ASH1L: variants seen among roughly 807,000 people sequenced by gnomAD.
ASH1L encodes ASH1 like histone lysine methyltransferase.
Under a neutral mutation model 269.0 loss-of-function variants are expected in ASH1L, and 23 were observed. The observed-to-expected ratio is 0.09, with a 90% CI of 0.06 to 0.12. The LOEUF (loss-of-function observed/expected upper bound fraction) is 0.12, where lower values mean the gene tolerates loss of function less well. Among genes scored for constraint, ASH1L ranks in the 10% least tolerant of loss-of-function variants. The pLI, the probability that ASH1L is intolerant of heterozygous loss-of-function variation, is 1.00. For missense variants in ASH1L, 2,912 were observed against 3,567.8 expected, an observed-to-expected ratio of 0.82 and a Z score of 4.68; for synonymous variants, 1,187 against 1,253.5, an observed-to-expected ratio of 0.95 and a Z score of 1.12.
Position 155,521,308 on chromosome 1 carries a change from T to C in ASH1L, c.212A>G (p.Gln71Arg), listed in dbSNP as rs1334445031. The C allele has an allele frequency of 6.2e-7, 1 of 1,614,070 alleles. No individual in the cohort carries two copies. The highest frequency in any genetic ancestry group is 2.2e-5 in the East Asian group (1 of 44,888). ...GKDDGLTDAQ[Q>R]QFSVKETNFS... ...GTTTGTTTCTTTCACTGAAAACTGTTGCTGTGCATCAGTCAAACCATCATC... is the reference window on the plus strand; with the variant it reads ...GTTTGTTTCTTTCACTGAAAACTGTCGCTGTGCATCAGTCAAACCATCATC... The change falls in exon 2 of 28, where the codon CAA (glutamine) becomes CGA (arginine). Residue 71 changes from glutamine to arginine, a missense_variant. Physicochemically the swap from Gln to Arg is conservative, Grantham distance 43 (BLOSUM62 1). This residue lies in a region of ASH1L where 115 missense variants were observed against 101.5 expected (regional missense o/e 1.13). Transcript: ENST00000392403.
At chr1:155,515,505 T>G (rs1483832224) in intron 2 of ASH1L, among the ~76,000 whole-genome samples, 1 of 152,142 alleles carries the variant, frequency 6.6e-6, no homozygotes, top group East Asian at 1.9e-4. Flanking sequence ...AATAAAGATG[T>G]GTTTGAGCCT....
intron 20 of ASH1L, among the ~76,000 whole-genome samples, chr1:155,347,278 A>C (rs897427517): frequency 6.6e-6 from 1 of 152,116 alleles, no homozygotes; most frequent in Non-Finnish European, 1.5e-5. Context: ...CACGTGGCAC[A>C]TGCCTATAAT....
intron 1 of ASH1L, among the ~76,000 whole-genome samples, chr1:155,554,663 C>A (rs1671460815): frequency 6.6e-6 from 1 of 152,072 alleles, no homozygotes; most frequent in Non-Finnish European, 1.5e-5. Flanking sequence ...CCTGCCTTGG[C>A]CTCCCACAGA....
Position 155,336,353 on chromosome 1 carries a change from A to G in ASH1L, c.*1307T>C, listed in dbSNP as rs532188574. The G allele has an allele frequency of 0.096, 421 of 4,390 alleles. 2 individuals are homozygous for G. The highest frequency in any genetic ancestry group is 0.19 in the African/African-American group (197 of 1,062). The allele number at this position is 4,390 out of a possible 1,614,324, so 0.3% of individuals were successfully genotyped here. On this transcript the variant is annotated 3_prime_UTR_variant, in exon 28 of 28. Coordinates refer to ENST00000392403, the MANE Select transcript of ASH1L (RefSeq NM_018489.3). Reference sequence around the variant, plus strand: ...ACAGCAGGTGTGTGTGTGTGTGTGTATATATATACACACACACATATATAT... The same window carrying G: ...ACAGCAGGTGTGTGTGTGTGTGTGTGTATATATACACACACACATATATAT...
chr1:155,485,748 C>T (rs1174621463), intron 2 of ASH1L, among the ~76,000 whole-genome samples: 1 of 152,086 alleles, frequency 6.6e-6, no homozygotes, highest in Non-Finnish European at 1.5e-5. Context: ...CATCGACAAC[C>T]CATTAGCAAT....
chr1:155,501,872 A>C (rs1412262652), intron 2 of ASH1L, among the ~76,000 whole-genome samples: 1 of 152,084 alleles, frequency 6.6e-6, no homozygotes, highest in Non-Finnish European at 1.5e-5. Flanking sequence ...CATGTTGGCC[A>C]GGATGGTCTC....
At chr1:155,402,110 G>A (rs1658909021) in intron 6 of ASH1L, among the ~76,000 whole-genome samples, 1 of 151,912 alleles carries the variant, frequency 6.6e-6, no homozygotes, top group Non-Finnish European at 1.5e-5. Context: ...CATACTAGCT[G>A]GGCATGGTGA....
chr1:155,506,959 T>G (rs1667856182), intron 2 of ASH1L, among the ~76,000 whole-genome samples: 1 of 151,748 alleles, frequency 6.6e-6, no homozygotes, highest in African/African-American at 2.4e-5. Context: ...TTTATCAAAT[T>G]TTGTTTAAAA....
At chr1:155,460,868 G>A (rs35264597) in intron 3 of ASH1L, among the ~76,000 whole-genome samples, 15,584 of 152,072 alleles carry the variant, frequency 0.1, 1,069 homozygotes, top group Non-Finnish European at 0.16. Flanking sequence ...CAAATCTATA[G>A]AGCATATTAC....
chr1:155,425,835 C>T (rs995801305), intron 5 of ASH1L, among the ~76,000 whole-genome samples: 1 of 151,954 alleles, frequency 6.6e-6, no homozygotes, highest in East Asian at 1.9e-4. Flanking sequence ...ACCTCAGCCT[C>T]CCAAAGTACC....
chr1:155,532,705 C>G (rs1490125131), intron 1 of ASH1L, among the ~76,000 whole-genome samples: 1 of 151,662 alleles, frequency 6.6e-6, no homozygotes, highest in Non-Finnish European at 1.5e-5. Context: ...TGCCTGTCAT[C>G]CCAGCTACTC....
At chr1:155,546,945 CTT>C (rs71080709) in intron 1 of ASH1L, among the ~76,000 whole-genome samples, 598 of 87,974 alleles carry the variant, frequency 6.8e-3, no homozygotes, top group African/African-American at 0.027. Context: ...TCATCACATT[CTT>C]TTTTTTTTTT....
intron 4 of ASH1L, among the ~76,000 whole-genome samples, chr1:155,456,920 C>T (rs1003144714): frequency 1.3e-5 from 2 of 152,182 alleles, no homozygotes; most frequent in Non-Finnish European, 2.9e-5. Context: ...GTCCCATTGA[C>T]ACAAGACTTA....
At chr1:155,496,081 TTC>T (rs1197132075) in intron 2 of ASH1L, among the ~76,000 whole-genome samples, 3 of 152,234 alleles carry the variant, frequency 2.0e-5, no homozygotes, top group Admixed American at 6.5e-5. Flanking sequence ...TTTTTTTACT[TTC>T]TGACTCTTTT....
In ASH1L at chr1:155,512,449, T is replaced by A. The variant is rs896700451; in HGVS notation, c.420+8651A>T. The stretch of plus-strand genomic sequence containing the variant: ...AAAAGAAAGGCAAAGGATCTTAGAC[T>A]TTTTTTTTTTTTTTTTTTTTGAGAT... On this transcript the variant is annotated intron_variant, in intron 2 of 27. Transcript: ENST00000392403. 2.3e-4 allele frequency among the ~76,000 whole-genome samples: 5 copies of A among 21,626 alleles called. No individual in the cohort carries two copies. In the South Asian group the frequency reaches 0.02, roughly 87 times the overall value. 14.2% of individuals were successfully genotyped at this position (21,626 alleles called of 152,430 possible).
chr1:155,469,987 T>G (rs1664976672), intron 3 of ASH1L, among the ~76,000 whole-genome samples: 1 of 152,180 alleles, frequency 6.6e-6, no homozygotes, highest in South Asian at 2.1e-4. Context: ...CCATTAACAC[T>G]TAACTAAGCA....
At position 155,379,474 on chromosome 1, in the gene ASH1L, G is replaced by A. The variant is rs1017790193; in HGVS notation, c.6177+569C>T. ...ATGGTTGTTCTCAATATGAGACCTG[G>A]GGGCTATAAGCTAATACAAAAATCA... On this transcript the variant is annotated intron_variant, in intron 8 of 27. Transcript: ENST00000392403. 3.9e-5 allele frequency among the ~76,000 whole-genome samples: 6 copies of A among 152,144 alleles called. No individual in the cohort carries two copies. The East Asian group carries it at 9.6e-4, about 24-fold the overall frequency.
upstream of ASH1L, chr1:155,562,843 C>T (rs780564920): frequency 8.0e-6 from 4 of 496,976 alleles, no homozygotes; most frequent in South Asian, 3.1e-5. Context: ...TCCTCCCCCC[C>T]CTTCCCCGCC....
At chr1:155,382,710 T>C (rs1256136969) in intron 7 of ASH1L, among the ~76,000 whole-genome samples, 2 of 151,898 alleles carry the variant, frequency 1.3e-5, no homozygotes, top group African/African-American at 2.4e-5. Context: ...CCTAGGCTAA[T>C]GTGGGTTTGT....
Sources: gnomAD v4.1 joint callset for allele counts (sites outside exome capture counted in the v4.1 genomes callset) on GRCh38, gnomAD v4.1.1 for gene constraint, gnomAD v4.1.1 regional missense constraint, MANE v1.5 for transcripts, NCBI Gene and HGNC (gene_info 2026-07-23, HGNC 2026-07-21) for gene names.